The following GALNT10 variants were observed in gnomAD, a reference collection of about 807,000 sequenced individuals.
GALNT10 encodes the protein polypeptide N-acetylgalactosaminyltransferase 10, also known as GalNAc transferase 10.
In GALNT10, 41 loss-of-function variants were observed where a neutral mutation model predicts 75.0. The ratio of observed to expected loss-of-function variants is 0.55; its 90% CI spans 0.43 to 0.71. GALNT10 has a LOEUF of 0.71. Among genes scored for constraint, GALNT10 ranks in the 30% least tolerant of loss-of-function variants. GALNT10 has a pLI of 0.00. For missense variants in GALNT10, 727 were observed against 818.5 expected (o/e 0.89, Z 1.36); for synonymous variants, 302 against 313.0 (o/e 0.96, Z 0.37).
chr5:154,279,087 T>TGGTA (rs552020626), intron 1 of GALNT10, among the ~76,000 whole-genome samples: 265 of 152,330 alleles, frequency 1.7e-3, no homozygotes, highest in African/African-American at 6.0e-3. Context: ...TTGGATCATA[T>TGGTA]GGTAGTTCTA....
At chr5:154,299,467 C>T (rs1371354302) in intron 3 of GALNT10, among the ~76,000 whole-genome samples, 2 of 152,148 alleles carry the variant, frequency 1.3e-5, no homozygotes, top group Non-Finnish European at 2.9e-5. Context: ...AGAGATGGAG[C>T]CAGAATTTGA....
intron 1 of GALNT10, among the ~76,000 whole-genome samples, chr5:154,219,836 T>TCACACACACACACACACACA (rs1192106045): frequency 8.3e-4 from 112 of 134,272 alleles, no homozygotes; most frequent in East Asian, 2.2e-3. Context: ...TCTCTCTCTC[T>TCACACACACACACACACACA]CTCACACACA....
At chr5:154,200,548 C>T (rs1018349808) in intron 1 of GALNT10, among the ~76,000 whole-genome samples, 1 of 151,896 alleles carries the variant, frequency 6.6e-6, no homozygotes, top group East Asian at 1.9e-4. Flanking sequence ...TGATCAGAGT[C>T]AGCTGCTGAG....
intron 4 of GALNT10, among the ~76,000 whole-genome samples, chr5:154,358,599 C>T (rs1295532286): frequency 6.6e-6 from 1 of 152,186 alleles, no homozygotes; most frequent in Non-Finnish European, 1.5e-5. Flanking sequence ...TAGAGCCTCT[C>T]TCCCACACAC....
intron 3 of GALNT10, among the ~76,000 whole-genome samples, chr5:154,325,153 A>G (rs188748172): frequency 2.8e-4 from 36 of 127,198 alleles, no homozygotes; most frequent in African/African-American, 9.0e-4. Flanking sequence ...AGCCCAATGT[A>G]TGTGAGTTGG....
At chr5:154,332,074 T>C (rs1754874903) in intron 4 of GALNT10, among the ~76,000 whole-genome samples, 1 of 152,150 alleles carries the variant, frequency 6.6e-6, no homozygotes, top group Admixed American at 6.5e-5. Context: ...TCTTCTGCTT[T>C]CTGTTTCCCA....
chr5:154,206,086 C>T (rs1436256942), intron 1 of GALNT10, among the ~76,000 whole-genome samples: 2 of 152,128 alleles, frequency 1.3e-5, no homozygotes, highest in Non-Finnish European at 1.5e-5. Context: ...AGATAAAACA[C>T]CTTTGCAAAG....
At chr5:154,334,476 C>T (rs1754912608) in intron 4 of GALNT10, among the ~76,000 whole-genome samples, 1 of 152,188 alleles carries the variant, frequency 6.6e-6, no homozygotes, top group Non-Finnish European at 1.5e-5. Context: ...GTTGCACTGC[C>T]TGGGTGGCAT....
chr5:154,364,610 C>T (rs1336220668), intron 4 of GALNT10, among the ~76,000 whole-genome samples: 3 of 152,140 alleles, frequency 2.0e-5, no homozygotes, highest in Non-Finnish European at 4.4e-5. Context: ...AAAACTTCCC[C>T]CAGGAGAATA....
chr5:154,413,127 C>CA lies in GALNT10; in HGVS notation c.1503+122_1503+123insA, dbSNP rs149741534. 0.016 allele frequency: 10,288 copies of CA among 663,528 alleles called. 781 individuals are homozygous for CA. In the African/African-American group the frequency reaches 0.17, roughly 11 times the overall value. The allele number at this position is 663,528 out of a possible 1,614,324, so 41.1% of individuals were successfully genotyped here. On this transcript the variant is annotated intron_variant, in intron 10 of 11. Transcript: ENST00000297107. ...AGTGATAAATGACAAGAGTCAGCCC[C>CA]GGGGATGAGTTTTAAGATCTTCCTG...
intron 1 of GALNT10, among the ~76,000 whole-genome samples, chr5:154,284,730 T>C (rs529694473): frequency 3.3e-5 from 5 of 152,272 alleles, no homozygotes; most frequent in East Asian, 3.9e-4. Flanking sequence ...ACGTTTTCCA[T>C]ATTTGAGGGC....
rs534693834 is a variant in GALNT10 at position 154,203,506 on chromosome 5, CAGGGGTGACCT to C, written c.159+12483_159+12493del. Among the ~76,000 whole-genome samples, 387 of 152,310 alleles carry C rather than the reference CAGGGGTGACCT, an allele frequency of 2.5e-3. 1 individual carries two copies. The highest frequency in any genetic ancestry group is 9.0e-3 in the African/African-American group (375 of 41,562). On this transcript the variant is annotated intron_variant, in intron 1 of 11. Coordinates refer to ENST00000297107, the MANE Select transcript of GALNT10 (RefSeq NM_198321.4). ...GAGTCCTAGGTAGTCTGCCATGGCT[CAGGGGTGACCT>C]AAGAATTTCTTGAGTACCCTCTACC...
At chr5:154,198,635 T>A (rs549261867) in intron 1 of GALNT10, among the ~76,000 whole-genome samples, 313 of 152,332 alleles carry the variant, frequency 2.1e-3, no homozygotes, top group Non-Finnish European at 4.0e-3. Flanking sequence ...AACTTCGGAA[T>A]GCGAAGCAAT....
At chr5:154,326,314 T>A (rs748057083) in intron 3 of GALNT10, among the ~76,000 whole-genome samples, 47 of 152,162 alleles carry the variant, frequency 3.1e-4, no homozygotes, top group Non-Finnish European at 1.0e-4. Context: ...TGTGAAATGG[T>A]GTTATCACTT....
rs1274346636 is a variant in GALNT10 at position 154,409,789 on chromosome 5, C to T, written c.1386+27C>T. Reference sequence around the variant, plus strand: ...TGAGTCTGGAGGGCAGGGCTGGCTCCATAATTTAATGGGTGTGCAAAATGC... The same window carrying T: ...TGAGTCTGGAGGGCAGGGCTGGCTCTATAATTTAATGGGTGTGCAAAATGC... On this transcript the variant is annotated intron_variant, in intron 9 of 11. Transcript: ENST00000297107. The surrounding 1 kb of genome is among the most constrained non-coding windows in gnomAD (Gnocchi z 4.5). 3 of 1,503,232 alleles carry T rather than the reference C, an allele frequency of 2.0e-6. No individual in the cohort carries two copies. The South Asian group carries it at 3.4e-5, about 17-fold the overall frequency. 93.1% of individuals were successfully genotyped at this position (1,503,232 alleles called of 1,614,324 possible). A position where few individuals can be genotyped will look rare whatever the true frequency, so the allele number is the denominator to read the frequency against.
At chr5:154,229,200 A>G (rs548260150) in intron 1 of GALNT10, among the ~76,000 whole-genome samples, 10 of 152,166 alleles carry the variant, frequency 6.6e-5, no homozygotes, top group Non-Finnish European at 1.2e-4. Flanking sequence ...ACATTGTGGT[A>G]TTATCACCAC....
intron 1 of GALNT10, among the ~76,000 whole-genome samples, chr5:154,203,177 A>G (rs17626419): frequency 0.097 from 14,729 of 152,044 alleles, 967 homozygotes; most frequent in Non-Finnish European, 0.14. Flanking sequence ...CTTTGGGTGT[A>G]TGACTCTTTC....
At chr5:154,196,304 G>A (rs1204742231) in intron 1 of GALNT10, among the ~76,000 whole-genome samples, 1 of 152,132 alleles carries the variant, frequency 6.6e-6, no homozygotes, top group Non-Finnish European at 1.5e-5. Context: ...TTAAAGGCTG[G>A]GAAGTACATG....
At chr5:154,205,350 G>A (rs1352048068) in intron 1 of GALNT10, among the ~76,000 whole-genome samples, 1 of 152,220 alleles carries the variant, frequency 6.6e-6, no homozygotes, top group Non-Finnish European at 1.5e-5. Flanking sequence ...AGAATATGAA[G>A]TAAGTAGCTT....
Sources: allele counts gnomAD v4.1 joint callset (sites outside exome capture counted in the v4.1 genomes callset), GRCh38; gene constraint gnomAD v4.1.1; non-coding constraint Gnocchi (gnomAD v3.1); transcripts MANE v1.5; gene names NCBI Gene and HGNC (gene_info 2026-07-23, HGNC 2026-07-21).